SGCD: variants seen among roughly 807,000 people sequenced by gnomAD.
SGCD encodes the protein sarcoglycan delta, also known as delta-sarcoglycan.
A neutral mutation model predicts 36.6 loss-of-function variants in SGCD; 18 were observed. The ratio of observed to expected loss-of-function variants is 0.49; its 90% CI spans 0.34 to 0.73. The LOEUF (loss-of-function observed/expected upper bound fraction) is 0.73, where lower values mean the gene tolerates loss of function less well. Among genes scored for constraint, SGCD ranks in the 30% least tolerant of loss-of-function variants. The pLI is 0.01. For missense variants in SGCD, 387 were observed against 346.7 expected, an observed-to-expected ratio of 1.12 and a Z score of -0.92; for synonymous variants, 133 against 130.6, an observed-to-expected ratio of 1.02 and a Z score of -0.12.
At chr5:155,930,798 GTAAC>G (rs1757084253) in intron 1 of SGCD, among the ~76,000 whole-genome samples, 1 of 152,072 alleles carries the variant, frequency 6.6e-6, no homozygotes, top group Admixed American at 6.5e-5. Context: ...GTTCATACTT[GTAAC>G]TGTTAAGAAC....
At chr5:155,761,894 G>A in the SGCD span, among the ~76,000 whole-genome samples, 1,523 of 151,838 alleles carry the variant, frequency 0.01, 24 homozygotes, top group African/African-American at 0.035. Flanking sequence ...TGTCCTTACC[G>A]TTATTGTCAT....
At position 156,262,683 on chromosome 5, in the gene SGCD, C is replaced by T. The variant is rs190587193; in HGVS notation, c.-43-66851C>T. Among the ~76,000 whole-genome samples the T allele has an allele frequency of 6.7e-3, 1,013 of 152,080 alleles. 7 individuals are homozygous for T. Among genetic ancestry groups the T allele is most frequent in the South Asian group, 0.027 (128 of 4,828 alleles). The stretch of plus-strand genomic sequence containing the variant: ...CAATTTGTAGTCTTTTATCCCTCAC[C>T]CTCCACCTATCCTTTCCCCCAAGTC... On this transcript the variant is annotated intron_variant, in intron 3 of 9. Transcript: ENST00000517913.
intron 3 of SGCD, among the ~76,000 whole-genome samples, chr5:156,159,804 T>C (rs973181129): frequency 2.0e-5 from 3 of 151,682 alleles, no homozygotes; most frequent in Admixed American, 2.0e-4. Context: ...ATTTAATATA[T>C]TGTAAGCATT....
At chr5:156,114,424 GATA>G (rs374694736) in intron 1 of SGCD, among the ~76,000 whole-genome samples, 71 of 152,100 alleles carry the variant, frequency 4.7e-4, no homozygotes, top group African/African-American at 1.7e-3. Context: ...TCCCTTCTCT[GATA>G]ATAGATCTAT....
chr5:156,225,854 T>C (rs188451085), intron 3 of SGCD, among the ~76,000 whole-genome samples: 3 of 152,180 alleles, frequency 2.0e-5, no homozygotes, highest in Non-Finnish European at 4.4e-5. Context: ...AGATTCCCTT[T>C]TTATTCAAGA....
At chr5:155,919,400 A>G (rs547291992) in intron 1 of SGCD, among the ~76,000 whole-genome samples, 9 of 152,192 alleles carry the variant, frequency 5.9e-5, no homozygotes, top group Non-Finnish European at 1.3e-4. Context: ...GCAGAGAGGG[A>G]TTTGCCTCAG....
intron 3 of SGCD, among the ~76,000 whole-genome samples, chr5:156,465,775 G>A (rs964939290): frequency 2.0e-5 from 3 of 152,186 alleles, no homozygotes; most frequent in Non-Finnish European, 2.9e-5. Context: ...AAACCAGTCA[G>A]GGAAGTTGGA....
the SGCD span, among the ~76,000 whole-genome samples, chr5:155,853,701 T>A: frequency 6.6e-6 from 1 of 152,186 alleles, no homozygotes; most frequent in South Asian, 2.1e-4. Flanking sequence ...GGATTGCTAA[T>A]GAAAACAAAA....
intron 3 of SGCD, among the ~76,000 whole-genome samples, chr5:156,135,437 C>G (rs1028652387): frequency 6.6e-6 from 1 of 152,190 alleles, no homozygotes; most frequent in Non-Finnish European, 1.5e-5. Context: ...CCCCTCTTCC[C>G]TGTAGCCTTA....
At chr5:156,328,287 A>G (rs1297085088) in intron 1 of SGCD, among the ~76,000 whole-genome samples, 2 of 152,236 alleles carry the variant, frequency 1.3e-5, no homozygotes, top group African/African-American at 4.8e-5. Flanking sequence ...GCCGAGCTAA[A>G]CCTTACAACT....
intron 3 of SGCD, among the ~76,000 whole-genome samples, chr5:156,483,274 A>T (rs1439897430): frequency 6.6e-6 from 1 of 152,170 alleles, no homozygotes; most frequent in Non-Finnish European, 1.5e-5. Flanking sequence ...CCCATGATCA[A>T]GCACTTGCCT....
intron 6 of SGCD, among the ~76,000 whole-genome samples, chr5:156,612,725 A>T (rs1318551471): frequency 1.3e-5 from 2 of 152,188 alleles, no homozygotes; most frequent in African/African-American, 4.8e-5. Flanking sequence ...AGTGTGTCAG[A>T]AATGGAGAGG....
At chr5:155,838,207 A>T in the SGCD span, among the ~76,000 whole-genome samples, 1 of 152,214 alleles carries the variant, frequency 6.6e-6, no homozygotes, top group Non-Finnish European at 1.5e-5. Flanking sequence ...GATTTTAACG[A>T]TTATTTAATA....
the SGCD span, among the ~76,000 whole-genome samples, chr5:155,861,599 T>C: frequency 6.6e-6 from 1 of 152,122 alleles, no homozygotes; most frequent in South Asian, 2.1e-4. Context: ...GCGCCTGTAG[T>C]CCCAGCTACT....
intron 6 of SGCD, among the ~76,000 whole-genome samples, chr5:156,631,702 A>G (rs943412461): frequency 6.6e-5 from 10 of 151,942 alleles, no homozygotes; most frequent in African/African-American, 2.2e-4. Flanking sequence ...CTTTTAGCGT[A>G]CCTGTTTTTA....
intron 3 of SGCD, among the ~76,000 whole-genome samples, chr5:156,229,277 C>CATATATACATAT (rs1764943101): frequency 1.8e-5 from 1 of 56,502 alleles, no homozygotes; most frequent in African/African-American, 8.0e-5. Flanking sequence ...TATATACATA[C>CATATATACATAT]ATATATATAT....
chr5:156,565,517 ATATTT>A (rs1396293788), intron 4 of SGCD, among the ~76,000 whole-genome samples: 2 of 152,184 alleles, frequency 1.3e-5, no homozygotes, highest in Non-Finnish European at 2.9e-5. Flanking sequence ...GGATTTATTC[ATATTT>A]TATTTTAAAA....
At chr5:155,748,335 T>C in the SGCD span, among the ~76,000 whole-genome samples, 30 of 152,186 alleles carry the variant, frequency 2.0e-4, 1 homozygote, top group South Asian at 4.6e-3. Context: ...TTCTTGATGA[T>C]TGAAATATTT....
intron 1 of SGCD, among the ~76,000 whole-genome samples, chr5:155,905,126 A>G (rs1456578804): frequency 6.6e-6 from 1 of 152,164 alleles, no homozygotes; most frequent in Non-Finnish European, 1.5e-5. Context: ...GGGTGCTACC[A>G]AGTCCCAGGC....
Sources: gnomAD v4.1 joint callset for allele counts (sites outside exome capture counted in the v4.1 genomes callset) on GRCh38, gnomAD v4.1.1 for gene constraint, MANE v1.5 for transcripts, NCBI Gene and HGNC (gene_info 2026-07-23, HGNC 2026-07-21) for gene names.